Variants in CATSPER3 observed in about 807,000 individuals in gnomAD.
The protein encoded by CATSPER3 is cation channel sperm associated 3.
CATSPER3 carries 23 observed loss-of-function variants against 36.6 expected under a neutral mutation model. The ratio of observed to expected loss-of-function variants is 0.63; its 90% CI spans 0.45 to 0.89. The LOEUF (loss-of-function observed/expected upper bound fraction) is 0.89, where lower values mean the gene tolerates loss of function less well. Among genes scored for constraint, CATSPER3 ranks in the 40% least tolerant of loss-of-function variants. CATSPER3 has a pLI of 0.00. For missense variants in CATSPER3, 474 were observed against 503.9 expected (o/e 0.94, Z 0.57); for synonymous variants, 172 against 184.1 (o/e 0.93, Z 0.53).
In CATSPER3 at chr5:135,008,069, C is replaced by T. The variant is rs143295660; in HGVS notation, c.605C>T (p.Pro202Leu). Residue 202 changes from proline to leucine, a missense_variant, in exon 4 of 8, where the codon CCA becomes CTA. By Grantham distance (98) the Pro-to-Leu change is moderately conservative. Coordinates refer to ENST00000282611, the MANE Select transcript of CATSPER3 (RefSeq NM_178019.3). ...TTGGGCTTCTGCCTGTTTGGATCTC[C>T]AGACAATGGTGACCATGATAACTGG... is the stretch of plus-strand genomic sequence containing the variant. ...AILGFCLFGS[P>L]DNGDHDNWGN... 9 of 1,614,062 alleles carry T rather than the reference C, an allele frequency of 5.6e-6. No homozygotes were observed. The highest frequency in any genetic ancestry group is 1.6e-4 in the Middle Eastern group (1 of 6,084).
At chr5:134,987,787 A>T (rs1751829483) in intron 2 of CATSPER3, among the ~76,000 whole-genome samples, 1 of 152,230 alleles carries the variant, frequency 6.6e-6, no homozygotes, top group Admixed American at 6.5e-5. Context: ...ACAAATAGAA[A>T]GGAAATTCCT....
chr5:134,990,024 AT>A (rs1214444967), intron 2 of CATSPER3, among the ~76,000 whole-genome samples: 1 of 152,188 alleles, frequency 6.6e-6, no homozygotes, highest in Non-Finnish European at 1.5e-5. Context: ...AGATGGAGGA[AT>A]GGCTGGTCAG....
At chr5:135,008,378 A>G (rs1752118446) in intron 4 of CATSPER3, among the ~76,000 whole-genome samples, 1 of 152,194 alleles carries the variant, frequency 6.6e-6, no homozygotes, top group African/African-American at 2.4e-5. Context: ...CAGGGTGATC[A>G]AACTTTGCAG....
At chr5:135,010,245 G>T in intron 6 of CATSPER3, 128 bp from the exon 7 acceptor site, 1 of 824,272 alleles carries the variant, frequency 1.2e-6, no homozygotes, top group Non-Finnish European at 2.1e-6. Flanking sequence ...TTGTGACAAG[G>T]CTGAAGCTTC....
chr5:134,996,611 G>A, intron 3 of CATSPER3, 99 bp downstream of exon 3: 1 of 1,227,760 alleles, frequency 8.1e-7, no homozygotes. Context: ...CCATCTTCCA[G>A]TTGTTGAGTC....
At chr5:134,971,098 C>T (rs866562285) in intron 2 of CATSPER3, among the ~76,000 whole-genome samples, 9 of 151,990 alleles carry the variant, frequency 5.9e-5, no homozygotes, top group Admixed American at 6.6e-5. Context: ...TACAGGCGCC[C>T]GCCACAACGC....
At chr5:134,970,568 A>ATTTCTT (rs1554067724) in intron 2 of CATSPER3, among the ~76,000 whole-genome samples, 1 of 124,240 alleles carries the variant, frequency 8.0e-6, no homozygotes, top group Admixed American at 8.5e-5. Context: ...GACATGGTGG[A>ATTTCTT]TTTTTTTTTT....
chr5:134,977,690 C>T (rs1248164358), intron 2 of CATSPER3, among the ~76,000 whole-genome samples: 2 of 152,156 alleles, frequency 1.3e-5, no homozygotes, highest in East Asian at 3.8e-4. Flanking sequence ...ATATCGGTAC[C>T]ACACTTCTGG....
chr5:134,969,569 A>G, intron 1 of CATSPER3: 2 of 293,540 alleles, frequency 6.8e-6, no homozygotes, highest in South Asian at 7.4e-5. Flanking sequence ...GTAGACTGGC[A>G]ATATTTAGTC....
chr5:134,984,931 G>A (rs1006582998), intron 2 of CATSPER3, among the ~76,000 whole-genome samples: 11 of 151,564 alleles, frequency 7.3e-5, no homozygotes, highest in African/African-American at 1.2e-4. Flanking sequence ...TGATTCTCCC[G>A]CCTCAGCTTC....
At chr5:134,992,173 C>T (rs979661072) in intron 2 of CATSPER3, among the ~76,000 whole-genome samples, 5 of 150,470 alleles carry the variant, frequency 3.3e-5, no homozygotes, top group African/African-American at 1.2e-4. Context: ...AAAATATTTG[C>T]AAATTATATA....
At position 134,980,367 on chromosome 5, in the gene CATSPER3, T is replaced by C. The variant is rs556508676; in HGVS notation, c.252+10275T>C. On this transcript the variant is annotated intron_variant, in intron 2 of 7. Transcript: ENST00000282611. ...CCTCCTCCCTCCCTCCCTCCTCTCT[T>C]CCTTCCTTCCCTCCCTCCTTCCCTC... Among the ~76,000 whole-genome samples, 6 of 144,788 alleles carry C rather than the reference T, an allele frequency of 4.1e-5. No homozygotes were observed. The East Asian group carries it at 1.3e-3, about 32-fold the overall frequency. The allele number at this position is 144,788 out of a possible 152,430, so 95.0% of individuals were successfully genotyped here. A position where few individuals can be genotyped will look rare whatever the true frequency, so the allele number is the denominator to read the frequency against.
At chr5:134,992,825 C>A (rs987638846) in intron 2 of CATSPER3, among the ~76,000 whole-genome samples, 2 of 152,192 alleles carry the variant, frequency 1.3e-5, no homozygotes, top group Non-Finnish European at 2.9e-5. Context: ...AATGGTACAA[C>A]TACTGTGGAA....
intron 3 of CATSPER3, among the ~76,000 whole-genome samples, chr5:135,004,838 A>T (rs1409159992): frequency 6.6e-6 from 1 of 152,166 alleles, no homozygotes; most frequent in Non-Finnish European, 1.5e-5. Context: ...AGGGGATCCC[A>T]GGATAAGGTA....
intron 1 of CATSPER3, chr5:134,968,360 A>G: frequency 2.4e-6 from 1 of 420,990 alleles, no homozygotes; most frequent in Middle Eastern, 7.2e-4. Context: ...CCCATCTCAA[A>G]TCAGATAATG....
At chr5:134,993,766 T>G (rs900734350) in intron 2 of CATSPER3, among the ~76,000 whole-genome samples, 2 of 152,198 alleles carry the variant, frequency 1.3e-5, no homozygotes, top group African/African-American at 4.8e-5. Flanking sequence ...AGTTTAAAAT[T>G]TCTACTGCCC....
intron 2 of CATSPER3, among the ~76,000 whole-genome samples, chr5:134,978,512 A>T (rs182104530): frequency 1.2e-4 from 18 of 152,310 alleles, no homozygotes; most frequent in African/African-American, 4.3e-4. Flanking sequence ...CATTATACTT[A>T]ATGATGAGAA....
chr5:134,994,609 G>A (rs903250024), intron 2 of CATSPER3, among the ~76,000 whole-genome samples: 1 of 152,176 alleles, frequency 6.6e-6, no homozygotes, highest in Non-Finnish European at 1.5e-5. Flanking sequence ...GAATTGTTGT[G>A]AGATATCTTA....
Position 134,970,030 on chromosome 5 carries a change from G to A in CATSPER3, c.190G>A (p.Ala64Thr), listed in dbSNP as rs756061764. ...TATGATTAGCACTGTCACATCGAATGCGTTTTTTATGGCCTTGTGGACCAG... is the reference window on the plus strand; with the variant it reads ...TATGATTAGCACTGTCACATCGAATACGTTTTTTATGGCCTTGTGGACCAG... ...IIMISTVTSN[A>T]FFMALWTSYD... Residue 64 changes from alanine to threonine, a missense_variant, in exon 2 of 8, where the codon GCG (alanine) becomes ACG (threonine). By Grantham distance (58) the Ala-to-Thr change is moderately conservative. Transcript: ENST00000282611. 3 of 1,614,068 alleles carry A rather than the reference G, an allele frequency of 1.9e-6. No individual in the cohort carries two copies. Among genetic ancestry groups the A allele is most frequent in the Non-Finnish European group, 2.5e-6 (3 of 1,179,976 alleles).
Sources: gnomAD v4.1 joint callset for allele counts (sites outside exome capture counted in the v4.1 genomes callset) on GRCh38, gnomAD v4.1.1 for gene constraint, MANE v1.5 for transcripts, NCBI Gene and HGNC (gene_info 2026-07-23, HGNC 2026-07-21) for gene names.